The following AGBL1 variants were observed in gnomAD, a reference collection of about 807,000 sequenced individuals.
AGBL1 encodes cytosolic carboxypeptidase 4.
AGBL1 carries 130 observed loss-of-function variants against 118.9 expected under a neutral mutation model. The ratio of observed to expected loss-of-function variants is 1.09; its 90% CI spans 0.95 to 1.26. The LOEUF (loss-of-function observed/expected upper bound fraction) is 1.26, where lower values mean the gene tolerates loss of function less well. AGBL1 is among the 50% of genes most tolerant of loss of function. The pLI is 0.00. For synonymous variants in AGBL1, 555 were observed against 478.9 expected (o/e 1.16, Z -2.08); for missense variants, 1,584 against 1,298.1 (o/e 1.22, Z -3.38).
intron 21 of AGBL1, among the ~76,000 whole-genome samples, chr15:86,571,616 A>T (rs1269212857): frequency 6.6e-6 from 1 of 152,076 alleles, no homozygotes; most frequent in Non-Finnish European, 1.5e-5. Flanking sequence ...CAGAGAAGGT[A>T]ATTCTTCTCT....
intron 1 of AGBL1, among the ~76,000 whole-genome samples, chr15:86,128,850 T>C (rs1254108930): frequency 6.6e-6 from 1 of 152,182 alleles, no homozygotes; most frequent in Non-Finnish European, 1.5e-5. Flanking sequence ...AGCAGATACT[T>C]CCTAGGGTGA....
At chr15:86,854,541 A>G (rs1376993427) in intron 22 of AGBL1, among the ~76,000 whole-genome samples, 1 of 152,170 alleles carries the variant, frequency 6.6e-6, no homozygotes. Flanking sequence ...TAAACAGTCA[A>G]TTTGGAGCCA....
At chr15:86,808,431 C>G (rs905285419) in intron 22 of AGBL1, among the ~76,000 whole-genome samples, 2 of 152,110 alleles carry the variant, frequency 1.3e-5, no homozygotes, top group African/African-American at 4.8e-5. Flanking sequence ...TTAGTTTTCC[C>G]TCATCTTTCA....
intron 17 of AGBL1, among the ~76,000 whole-genome samples, chr15:86,308,029 A>G (rs958365379): frequency 6.6e-6 from 1 of 152,154 alleles, no homozygotes; most frequent in African/African-American, 2.4e-5. Context: ...ATCTCTGACC[A>G]TCTACTATTG....
chr15:86,829,392 C>T (rs559780716), intron 22 of AGBL1, among the ~76,000 whole-genome samples: 3 of 152,294 alleles, frequency 2.0e-5, no homozygotes, highest in East Asian at 3.9e-4. Context: ...TGCCCTTCCA[C>T]TCATGCCATA....
chr15:86,677,592 C>A (rs894265084), intron 22 of AGBL1, among the ~76,000 whole-genome samples: 1 of 152,098 alleles, frequency 6.6e-6, no homozygotes, highest in Non-Finnish European at 1.5e-5. Context: ...TCTTCTCAGC[C>A]GAGCCCCCCA....
chr15:86,326,054 G>A (rs533691020), intron 17 of AGBL1, among the ~76,000 whole-genome samples: 112 of 152,274 alleles, frequency 7.4e-4, no homozygotes, highest in Non-Finnish European at 1.4e-3. Flanking sequence ...AGGTTCAAAT[G>A]AGAAGAGTGC....
chr15:86,935,762 C>T (rs137969188), intron 23 of AGBL1, among the ~76,000 whole-genome samples: 11 of 152,230 alleles, frequency 7.2e-5, no homozygotes, highest in African/African-American at 2.2e-4. Flanking sequence ...CAAAGAGAGC[C>T]GCACTGAGGC....
At chr15:86,649,546 A>G (rs1365821045) in intron 21 of AGBL1, among the ~76,000 whole-genome samples, 1 of 152,158 alleles carries the variant, frequency 6.6e-6, no homozygotes, top group Non-Finnish European at 1.5e-5. Flanking sequence ...GGAAGAATGT[A>G]GGTGGTAAGA....
chr15:86,114,017 C>G (rs566077975), intron 1 of AGBL1, among the ~76,000 whole-genome samples: 1 of 152,278 alleles, frequency 6.6e-6, no homozygotes, highest in South Asian at 2.1e-4. Flanking sequence ...AAGTCATTAA[C>G]TACACTTGAA....
At position 86,596,053 on chromosome 15, in the gene AGBL1, C is replaced by T. The variant is rs1381618248; in HGVS notation, c.2994+41516C>T. ...GTGGCTCACACTTGTAAATCCAGCA[C>T]TCTGGGAAGCTGATGCAGGAGAATT... On this transcript the variant is annotated intron_variant, in intron 21 of 22. Transcript: ENST00000614907. Among the ~76,000 whole-genome samples the T allele has an allele frequency of 2.0e-5, 3 of 152,134 alleles. No individual in the cohort carries two copies. The South Asian group carries it at 6.2e-4, about 32-fold the overall frequency.
In AGBL1 at chr15:86,909,510, C is replaced by T. The variant is rs946547243; in HGVS notation, c.*2216C>T. On this transcript the variant is annotated 3_prime_UTR_variant, in exon 23 of 23. Coordinates refer to ENST00000614907, the MANE Select transcript of AGBL1 (RefSeq NM_001386094.1). ...TATTAATAGTCTCTTATTTTTTTAA[C>T]TCTTTTCCAAGTTTCCATTTTGTAG... 6.6e-6 allele frequency: 1 copy of T among 152,166 alleles called. No homozygotes were observed. Among genetic ancestry groups the T allele is most frequent in the Non-Finnish European group, 1.5e-5 (1 of 68,026 alleles). The allele number at this position is 152,166 out of a possible 1,614,324, so 9.4% of individuals were successfully genotyped here.
At chr15:86,896,232 A>T (rs1265732329) in intron 22 of AGBL1, among the ~76,000 whole-genome samples, 4 of 152,056 alleles carry the variant, frequency 2.6e-5, no homozygotes, top group African/African-American at 9.7e-5. Flanking sequence ...ATGGGTCATA[A>T]TATTTCAAGT....
chr15:86,247,887 G>T lies in AGBL1; in HGVS notation c.735+8G>T. 1 of 1,613,722 alleles carries T rather than the reference G, an allele frequency of 6.2e-7. No individual in the cohort carries two copies. Among genetic ancestry groups the T allele is most frequent in the Non-Finnish European group, 8.5e-7 (1 of 1,179,840 alleles). On this transcript the variant is annotated splice_region_variant and intron_variant, in intron 7 of 22. Coordinates refer to ENST00000614907, the MANE Select transcript of AGBL1 (RefSeq NM_001386094.1). ...CTCTTCAGCACCACACAGGCAGGCAGCATGGGGATTCACTCTGCAGCTGGA... is the reference window on the plus strand; with the variant it reads ...CTCTTCAGCACCACACAGGCAGGCATCATGGGGATTCACTCTGCAGCTGGA...
At position 86,508,005 on chromosome 15, in the gene AGBL1, CTT is replaced by C. The variant is rs397853754; in HGVS notation, c.2556-14788_2556-14787del. On this transcript the variant is annotated intron_variant, in intron 18 of 22. Coordinates refer to ENST00000614907, the MANE Select transcript of AGBL1 (RefSeq NM_001386094.1). ...TTTAGGAAGCCTAAAAGTGATTTGC[CTT>C]TTTTTTTTTTTTTTTTGAGATGGAA... Among the ~76,000 whole-genome samples the C allele has an allele frequency of 6.3e-3, 791 of 126,554 alleles. 9 individuals carry two copies. Among genetic ancestry groups the C allele is most frequent in the African/African-American group, 0.021 (711 of 33,328 alleles). 83.0% of individuals were successfully genotyped at this position (126,554 alleles called of 152,430 possible).
At chr15:86,416,572 T>TA (rs150130987) in intron 18 of AGBL1, among the ~76,000 whole-genome samples, 54 of 149,080 alleles carry the variant, frequency 3.6e-4, no homozygotes, top group South Asian at 8.5e-4. Context: ...CACTTTTTTA[T>TA]AAAAAAAAAA....
At chr15:86,843,981 C>T (rs1255980625) in intron 22 of AGBL1, among the ~76,000 whole-genome samples, 1 of 152,110 alleles carries the variant, frequency 6.6e-6, no homozygotes, top group Non-Finnish European at 1.5e-5. Flanking sequence ...TAAATAGTGT[C>T]ATATAATATG....
At chr15:86,320,536 T>C (rs2080088988) in intron 17 of AGBL1, among the ~76,000 whole-genome samples, 1 of 152,160 alleles carries the variant, frequency 6.6e-6, no homozygotes, top group South Asian at 2.1e-4. Context: ...GATATATCAT[T>C]TGAAACTGAC....
At chr15:86,872,370 A>C (rs1428866047) in intron 22 of AGBL1, among the ~76,000 whole-genome samples, 4 of 152,214 alleles carry the variant, frequency 2.6e-5, no homozygotes, top group African/African-American at 9.7e-5. Flanking sequence ...TCTTAGACCA[A>C]GTTTTCCTCC....
Sources: gnomAD v4.1 joint callset for allele counts (sites outside exome capture counted in the v4.1 genomes callset) on GRCh38, gnomAD v4.1.1 for gene constraint, MANE v1.5 for transcripts, NCBI Gene and HGNC (gene_info 2026-07-23, HGNC 2026-07-21) for gene names.